Variants in NEIL1 observed in about 807,000 individuals in gnomAD.
NEIL1 encodes the protein nei like DNA glycosylase 1.
Under a neutral mutation model 44.2 loss-of-function variants are expected in NEIL1, and 31 were observed. The ratio of observed to expected loss-of-function variants is 0.70; its 90% CI spans 0.53 to 0.95. The LOEUF is 0.95. Among genes scored for constraint, NEIL1 ranks in the 40% least tolerant of loss-of-function variants. The pLI is 0.00. For missense variants in NEIL1, 549 were observed against 515.5 expected (o/e 1.07, Z -0.63); for synonymous variants, 254 against 209.7 (o/e 1.21, Z -1.83).
chr15:75,354,057 G>T, intron 6 of NEIL1, 191 bp downstream of exon 6: 1 of 1,030,362 alleles, frequency 9.7e-7, no homozygotes, highest in Non-Finnish European at 1.4e-6. Flanking sequence ...CCCAAGGCAG[G>T]TAGCCCAAGT....
intron 2 of NEIL1, among the ~76,000 whole-genome samples, chr15:75,350,860 G>C (rs1055072486): frequency 6.6e-6 from 1 of 152,088 alleles, no homozygotes; most frequent in Non-Finnish European, 1.5e-5. Context: ...CTTACCTCAG[G>C]GATCAGGGCA....
rs1010682714 is a variant in NEIL1 at position 75,348,153 on chromosome 15, G to A, written c.-23+680G>A. 3 of 712,434 alleles carry A rather than the reference G, an allele frequency of 4.2e-6. No homozygotes were observed. The African/African-American group carries it at 5.8e-5, about 14-fold the overall frequency. 44.1% of individuals were successfully genotyped at this position (712,434 alleles called of 1,614,324 possible). A position where few individuals can be genotyped will look rare whatever the true frequency, so the allele number is the denominator to read the frequency against. ...CGCCGTCCTCCTGCGGAGCCATGGG[G>A]AGCGGCTCCAGCGCATGGCGGCAGC... On this transcript the variant is annotated intron_variant, in intron 1 of 9. Transcript: ENST00000355059.
chr15:75,347,864 C>T (rs1464366941), intron 1 of NEIL1: 3 of 1,192,168 alleles, frequency 2.5e-6, no homozygotes, highest in Non-Finnish European at 3.2e-6. Flanking sequence ...TCCCGCAAAA[C>T]GAGCCCTGTG....
In NEIL1 at chr15:75,356,326, G is replaced by A. The variant is rs779206038; in HGVS notation, c.*1292G>A. 9.3e-6 allele frequency: 15 copies of A among 1,612,008 alleles called. No homozygotes were observed. The highest frequency in any genetic ancestry group is 2.2e-5 in the East Asian group (1 of 44,806). Reference sequence around the variant, plus strand: ...CTGCTTGACGGTCTCCAATACGACCGCGGGTGAAGACACGGAAAACGCACT... The same window carrying A: ...CTGCTTGACGGTCTCCAATACGACCACGGGTGAAGACACGGAAAACGCACT... On this transcript the variant is annotated 3_prime_UTR_variant, in exon 10 of 10. Transcript: ENST00000355059. This position sits in a 1 kb window ranked among gnomAD's most constrained non-coding sequence, Gnocchi z 5.8.
intron 1 of NEIL1, chr15:75,348,270 G>A: frequency 1.0e-6 from 1 of 954,986 alleles, no homozygotes; most frequent in Non-Finnish European, 1.2e-6. Flanking sequence ...CTGCGGCCAA[G>A]CGGCCGATTC....
In NEIL1 at chr15:75,349,162, A is replaced by G. The variant is rs776942273; in HGVS notation, c.257A>G (p.Gln86Arg). The G allele has an allele frequency of 1.2e-6, 2 of 1,609,518 alleles. No homozygotes were observed. Residue 86 changes from glutamine to arginine, a missense_variant, in exon 2 of 10, where the codon CAG becomes CGG. Physicochemically the swap from Gln to Arg is conservative, Grantham distance 43. Transcript: ENST00000355059. Reference sequence around the variant, plus strand: ...CGCTTCGGCATGTCCGGCTCTTTTCAGCTGGTGCCCCGCGAGGAGCTGCCA... The same window carrying G: ...CGCTTCGGCATGTCCGGCTCTTTTCGGCTGGTGCCCCGCGAGGAGCTGCCA... ...VFRFGMSGSF[Q>R]LVPREELPRH...
intron 2 of NEIL1, chr15:75,349,707 G>T: frequency 4.6e-6 from 1 of 219,618 alleles, no homozygotes; most frequent in South Asian, 7.4e-5. Flanking sequence ...CCAGCTACTT[G>T]GGAGGCTGAG....
rs758043407 is a variant in NEIL1 at position 75,354,428 on chromosome 15, C to G, written c.875-3C>G. On this transcript the variant is annotated splice_region_variant and splice_polypyrimidine_tract_variant and intron_variant, in intron 7 of 9. Transcript: ENST00000355059. ...CTCCAACTCCAACACCAGTGTCCTG[C>G]AGGGCGCAAGTCCCGCAAAAAGAAA... is the stretch of plus-strand genomic sequence containing the variant. 1.1e-5 allele frequency: 18 copies of G among 1,614,084 alleles called. No individual in the cohort carries two copies. The highest frequency in any genetic ancestry group is 1.5e-5 in the Non-Finnish European group (18 of 1,180,024).
intron 1 of NEIL1, chr15:75,348,276 GATTCGGC>G: frequency 2.1e-6 from 2 of 968,864 alleles, no homozygotes; most frequent in Non-Finnish European, 2.5e-6. Flanking sequence ...CCAAGCGGCC[GATTCGGC>G]CGCTCCCGCC....
Position 75,348,968 on chromosome 15 carries a change from G to C in NEIL1, c.63G>C (p.Leu21=). Residue 21 remains leucine (L), a synonymous_variant, in exon 2 of 10, where the codon CTG becomes CTC. Coordinates refer to ENST00000355059, the MANE Select transcript of NEIL1 (RefSeq NM_024608.4). The stretch of plus-strand genomic sequence containing the variant: ...TTGTGAATGAGGCCTGCAGGGCGCT[G>C]GTGTTCGGCGGCTGCGTGGAGAAGT... ...SQFVNEACRA[L]VFGGCVEKSS... 6.2e-7 allele frequency: 1 copy of C among 1,613,572 alleles called. No individual in the cohort carries two copies. Among genetic ancestry groups the C allele is most frequent in the Non-Finnish European group, 8.5e-7 (1 of 1,179,994 alleles).
At chr15:75,347,650 C>A in intron 1 of NEIL1, 177 bp downstream of exon 1, 1 of 254,676 alleles carries the variant, frequency 3.9e-6, no homozygotes, top group Non-Finnish European at 6.4e-6. Context: ...ACGAGCGGAA[C>A]GGAGTGCGGG....
intron 7 of NEIL1, 29 bp from the exon 8 acceptor site, chr15:75,354,402 C>T (rs1038171681): frequency 6.2e-7 from 1 of 1,613,920 alleles, no homozygotes; most frequent in Admixed American, 1.7e-5. Flanking sequence ...AGGATAGGAC[C>T]CTCCAACTCC....
rs375028224 is a variant in NEIL1 at position 75,352,129 on chromosome 15, C to T, written c.453C>T (p.Asn151=). The part of the protein sequence containing the change: ...YQQFRENVLR[N]LADKAFDRPI... ...CCTCCAGGGAGAATGTGCTACGAAA[C>T]CTAGCGGATAAGGCCTTTGACCGGC... The change falls in exon 3 of 10, where the codon AAC becomes AAT. Residue 151 remains asparagine (N), a synonymous_variant. Coordinates refer to ENST00000355059, the MANE Select transcript of NEIL1 (RefSeq NM_024608.4). 7 of 1,614,106 alleles carry T rather than the reference C, an allele frequency of 4.3e-6. No individual in the cohort carries two copies. In the African/African-American group the frequency reaches 8.0e-5, roughly 18 times the overall value.
chr15:75,356,319 TACGACCGCGGGTGAAGACACGGAAA>T lies in NEIL1; in HGVS notation c.*1289_*1313del. 1 of 1,611,122 alleles carries T rather than the reference TACGACCGCGGGTGAAGACACGGAAA, an allele frequency of 6.2e-7. No homozygotes were observed. The highest frequency in any genetic ancestry group is 1.1e-5 in the South Asian group (1 of 90,790). Reference sequence around the variant, plus strand: ...CCCTTGCCTGCTTGACGGTCTCCAATACGACCGCGGGTGAAGACACGGAAAACGCACTCCAGGAGGTGGCGGGCGC... The same window carrying T: ...CCCTTGCCTGCTTGACGGTCTCCAATACGCACTCCAGGAGGTGGCGGGCGC... On this transcript the variant is annotated 3_prime_UTR_variant, in exon 10 of 10. Transcript: ENST00000355059. This position sits in a 1 kb window ranked among gnomAD's most constrained non-coding sequence, Gnocchi z 5.8.
At position 75,354,779 on chromosome 15, in the gene NEIL1, C is replaced by T. The variant is rs779030178; in HGVS notation, c.1063C>T (p.Pro355Ser). The T allele has an allele frequency of 7.4e-6, 12 of 1,614,136 alleles. No homozygotes were observed. The South Asian group carries it at 1.2e-4, about 16-fold the overall frequency. The change falls in exon 9 of 10, where the codon CCC (proline) becomes TCC (serine). Residue 355 changes from proline to serine, a missense_variant. Transcript: ENST00000355059. ...LQQDPEAPTV[P>S]KKGRRKGRQA... ...GCAGGACCCAGAAGCTCCCACAGTG[C>T]CCAAGAAGGGGAGGAGGAAGGGGCG...
chr15:75,349,151 C>T lies in NEIL1; in HGVS notation c.246C>T (p.Ser82=), dbSNP rs1169278956. The change falls in exon 2 of 10, where the codon TCC becomes TCT. Residue 82 remains serine (S), a synonymous_variant. Coordinates refer to ENST00000355059, the MANE Select transcript of NEIL1 (RefSeq NM_024608.4). ...CCCTGGTCTTCCGCTTCGGCATGTCCGGCTCTTTTCAGCTGGTGCCCCGCG... is the reference window on the plus strand; with the variant it reads ...CCCTGGTCTTCCGCTTCGGCATGTCTGGCTCTTTTCAGCTGGTGCCCCGCG... ...PLALVFRFGM[S]GSFQLVPREE... is the part of the protein sequence containing the mutation. 2 of 1,609,772 alleles carry T rather than the reference C, an allele frequency of 1.2e-6. No homozygotes were observed. Among genetic ancestry groups the T allele is most frequent in the African/African-American group, 1.3e-5 (1 of 74,946 alleles).
At position 75,348,724 on chromosome 15, in the gene NEIL1, G is replaced by C. The variant is rs1246406166; in HGVS notation, c.-22-160G>C. On this transcript the variant is annotated intron_variant, in intron 1 of 9. Coordinates refer to ENST00000355059, the MANE Select transcript of NEIL1 (RefSeq NM_024608.4). ...CTGGGCTTTCCAGGCACCTGTCCGG[G>C]TAGGGGATTGAGGGCCGTGGCCAGG... 1.4e-5 allele frequency: 20 copies of C among 1,436,172 alleles called. No individual in the cohort carries two copies. In the South Asian group the frequency reaches 2.8e-4, roughly 20 times the overall value. 89.0% of individuals were successfully genotyped at this position (1,436,172 alleles called of 1,614,324 possible).
Position 75,355,735 on chromosome 15 carries a change from A to T in NEIL1, c.*701A>T. ...TACCTGGGAAGCCATCCCACCCCAG[A>T]CTTCCCACCCCCACCCCAAGCGTGA... On this transcript the variant is annotated 3_prime_UTR_variant, in exon 10 of 10. Coordinates refer to ENST00000355059, the MANE Select transcript of NEIL1 (RefSeq NM_024608.4). 2.1e-6 allele frequency: 1 copy of T among 471,488 alleles called. No homozygotes were observed. Among genetic ancestry groups the T allele is most frequent in the East Asian group, 5.1e-5 (1 of 19,686 alleles). The allele number at this position is 471,488 out of a possible 1,614,324, so 29.2% of individuals were successfully genotyped here.
At position 75,355,588 on chromosome 15, in the gene NEIL1, T is replaced by C. The variant is rs1352423612; in HGVS notation, c.*554T>C. The C allele has an allele frequency of 6.8e-6, 2 of 295,276 alleles. No homozygotes were observed. Among genetic ancestry groups the C allele is most frequent in the East Asian group, 1.6e-4 (2 of 12,288 alleles). The allele number at this position is 295,276 out of a possible 1,614,324, so 18.3% of individuals were successfully genotyped here. A position where few individuals can be genotyped will look rare whatever the true frequency, so the allele number is the denominator to read the frequency against. ...TTACCTGCTGGCACAGGGGAGGGGCTTCTCAACTCATGGTCTCTTCACTGG... is the reference window on the plus strand; with the variant it reads ...TTACCTGCTGGCACAGGGGAGGGGCCTCTCAACTCATGGTCTCTTCACTGG... On this transcript the variant is annotated 3_prime_UTR_variant, in exon 10 of 10. Transcript: ENST00000355059.
Sources: gnomAD v4.1 joint callset for allele counts (sites outside exome capture counted in the v4.1 genomes callset) on GRCh38, gnomAD v4.1.1 for gene constraint, Gnocchi (gnomAD v3.1) non-coding constraint, MANE v1.5 for transcripts, NCBI Gene and HGNC (gene_info 2026-07-23, HGNC 2026-07-21) for gene names.